The following CCN4 variants were observed in gnomAD, a reference collection of about 807,000 sequenced individuals.
CCN4 encodes the protein CCN family member 4.
CCN4 carries 30 observed loss-of-function variants against 36.7 expected under a neutral mutation model. The observed-to-expected ratio is 0.82, with a 90% CI of 0.61 to 1.11. The LOEUF (loss-of-function observed/expected upper bound fraction) is 1.11. Among genes scored for constraint, CCN4 ranks in the 50% least tolerant of loss-of-function variants. The pLI, the probability that CCN4 is intolerant of heterozygous loss-of-function variation, is 0.00. For synonymous variants in CCN4, 191 were observed against 195.4 expected, an observed-to-expected ratio of 0.98 and a Z score of 0.19; for missense variants, 505 against 504.9, an observed-to-expected ratio of 1.00 and a Z score of 0.00.
chr8:133,220,879 A>G, intron 3 of CCN4, 38 bp downstream of exon 3: 1 of 1,569,680 alleles, frequency 6.4e-7, no homozygotes, highest in Non-Finnish European at 8.7e-7. Flanking sequence ...GTGGGACCCT[A>G]CAAATGGGTT....
Position 133,225,489 on chromosome 8 carries a change from G to A in CCN4, c.710G>A (p.Arg237Gln), listed in dbSNP as rs762503159. Reference protein sequence around the residue: ...STSCGLGVSTRISNVNAQCWP... With the variant: ...STSCGLGVSTQISNVNAQCWP... Reference sequence around the variant, plus strand: ...AGCTGCGGCCTGGGGGTCTCCACTCGGATCTCCAATGTTAACGCCCAGTGC... The same window carrying A: ...AGCTGCGGCCTGGGGGTCTCCACTCAGATCTCCAATGTTAACGCCCAGTGC... The change falls in exon 4 of 5, where the codon CGG becomes CAG. Residue 237 changes from arginine (R) to glutamine (Q), a missense_variant. By Grantham distance (43) the Arg-to-Gln change is conservative. Transcript: ENST00000250160. 118 of 1,613,962 alleles carry A rather than the reference G, an allele frequency of 7.3e-5. No individual in the cohort carries two copies. The highest frequency in any genetic ancestry group is 3.3e-4 in the Admixed American group (20 of 60,002).
intron 1 of CCN4, among the ~76,000 whole-genome samples, chr8:133,201,798 A>G (rs112431978): frequency 0.022 from 3,293 of 152,174 alleles, 126 homozygotes; most frequent in African/African-American, 0.075. Context: ...AGCCGAGATC[A>G]CGCCACTGCA....
chr8:133,216,768 C>G (rs889206363), intron 2 of CCN4, among the ~76,000 whole-genome samples: 2 of 152,226 alleles, frequency 1.3e-5, no homozygotes, highest in African/African-American at 4.8e-5. Flanking sequence ...CACTTGCTAG[C>G]TACGTGACCA....
chr8:133,204,937 A>G (rs1473162463), intron 1 of CCN4, among the ~76,000 whole-genome samples: 1 of 152,250 alleles, frequency 6.6e-6, no homozygotes, highest in African/African-American at 2.4e-5. Context: ...AAAAATCCCA[A>G]TGCCCAGGCT....
chr8:133,227,508 G>A lies in CCN4; in HGVS notation c.902G>A (p.Cys301Tyr), dbSNP rs1854784839. ...ACACGCTCCTATCAACCCAAGTACT[G>A]TGGAGTTTGCATGGACAATAGGTGC... is the stretch of plus-strand genomic sequence containing the variant. ...ISTRSYQPKY[C>Y]GVCMDNRCCI... The change falls in exon 5 of 5, where the codon TGT (cysteine) becomes TAT (tyrosine). Residue 301 changes from cysteine (C) to tyrosine (Y), a missense_variant. Coordinates refer to ENST00000250160, the MANE Select transcript of CCN4 (RefSeq NM_003882.4). The A allele has an allele frequency of 6.2e-7, 1 of 1,614,196 alleles. No individual in the cohort carries two copies. Among genetic ancestry groups the A allele is most frequent in the African/African-American group, 1.3e-5 (1 of 75,056 alleles).
chr8:133,198,443 T>C (rs1387608670), intron 1 of CCN4, among the ~76,000 whole-genome samples: 1 of 152,176 alleles, frequency 6.6e-6, no homozygotes, highest in Non-Finnish European at 1.5e-5. Flanking sequence ...GGTTTCCCAA[T>C]TAGGCCCTCT....
intron 1 of CCN4, among the ~76,000 whole-genome samples, chr8:133,201,736 G>T (rs141652977): frequency 2.6e-5 from 4 of 152,042 alleles, no homozygotes; most frequent in Admixed American, 6.5e-5. Flanking sequence ...CCAGCTACTC[G>T]GGAGGCTGAG....
intron 2 of CCN4, 21 bp from the exon 3 acceptor site, chr8:133,220,560 A>C (rs1384597880): frequency 6.2e-7 from 1 of 1,604,382 alleles, no homozygotes; most frequent in East Asian, 2.2e-5. Context: ...ACTGGGCCTG[A>C]CCGGCCACCT....
In CCN4 at chr8:133,225,572, A is replaced by ACACT. The variant is rs1192655344; in HGVS notation, c.796_799dup (p.Ile267ThrfsTer3). 1 of 1,608,434 alleles carries ACACT rather than the reference A, an allele frequency of 6.2e-7. No individual in the cohort carries two copies. Among genetic ancestry groups the ACACT allele is most frequent in the African/African-American group, 1.3e-5 (1 of 74,822 alleles). ...GCGGCCATGCGATGTGGACATCCATACACTCATTAAGGTGGGTCCAGAGCA... is the reference window on the plus strand; with the variant it reads ...GCGGCCATGCGATGTGGACATCCATACACTCACTCATTAAGGTGGGTCCAGAGCA... On this transcript the variant is annotated frameshift_variant, in exon 4 of 5. Transcript: ENST00000250160. LOFTEE classifies it high-confidence loss of function.
intron 1 of CCN4, among the ~76,000 whole-genome samples, chr8:133,196,728 G>T (rs1853399899): frequency 6.6e-6 from 1 of 152,168 alleles, no homozygotes; most frequent in African/African-American, 2.4e-5. Context: ...GCTTGTTAAG[G>T]GTGTTGAATG....
At chr8:133,197,177 T>C (rs1476476682) in intron 1 of CCN4, among the ~76,000 whole-genome samples, 1 of 152,122 alleles carries the variant, frequency 6.6e-6, no homozygotes, top group Non-Finnish European at 1.5e-5. Context: ...ATGCCAACTG[T>C]GAGTTTCTGA....
chr8:133,225,197 G>T (rs571847207), intron 3 of CCN4, among the ~76,000 whole-genome samples, 193 bp from the exon 4 acceptor site: 1 of 152,288 alleles, frequency 6.6e-6, no homozygotes, highest in East Asian at 1.9e-4. Context: ...AAACATACAA[G>T]GAGCTGAGAA....
chr8:133,221,406 T>A (rs1392219510), intron 3 of CCN4, among the ~76,000 whole-genome samples: 1 of 152,172 alleles, frequency 6.6e-6, no homozygotes, highest in Non-Finnish European at 1.5e-5. Flanking sequence ...GTCATACTGA[T>A]GGGTGGGCAG....
At position 133,229,678 on chromosome 8, in the gene CCN4, A is replaced by G. The variant is rs999513636; in HGVS notation, c.*1968A>G. The G allele has an allele frequency of 6.6e-6, 1 of 152,226 alleles. No individual in the cohort carries two copies. The highest frequency in any genetic ancestry group is 2.1e-4 in the South Asian group (1 of 4,836). 9.4% of individuals were successfully genotyped at this position (152,226 alleles called of 1,614,324 possible). A position where few individuals can be genotyped will look rare whatever the true frequency, so the allele number is the denominator to read the frequency against. Reference sequence around the variant, plus strand: ...CAAGGTATACAGTGGTGCTCATTAAATACTTGATGAATACAGGAAGCTGTG... The same window carrying G: ...CAAGGTATACAGTGGTGCTCATTAAGTACTTGATGAATACAGGAAGCTGTG... On this transcript the variant is annotated 3_prime_UTR_variant, in exon 5 of 5. Coordinates refer to ENST00000250160, the MANE Select transcript of CCN4 (RefSeq NM_003882.4).
chr8:133,198,872 C>A (rs1853483669), intron 1 of CCN4, among the ~76,000 whole-genome samples: 1 of 152,260 alleles, frequency 6.6e-6, no homozygotes. Context: ...TTTGCACATG[C>A]TGTGCCCTCT....
intron 1 of CCN4, among the ~76,000 whole-genome samples, chr8:133,209,606 C>T (rs1430679103): frequency 1.3e-5 from 2 of 152,228 alleles, no homozygotes; most frequent in Non-Finnish European, 2.9e-5. Context: ...AGGAAGCTTC[C>T]TTCTGGGCAT....
intron 2 of CCN4, 105 bp from the exon 3 acceptor site, chr8:133,220,476 C>T (rs1388296932): frequency 1.0e-5 from 15 of 1,493,396 alleles, no homozygotes; most frequent in Non-Finnish European, 1.4e-5. Flanking sequence ...TGCTGGGAGC[C>T]ATCCCCGGGA....
intron 4 of CCN4, among the ~76,000 whole-genome samples, 175 bp downstream of exon 4, chr8:133,225,758 T>A (rs1221080373): frequency 2.0e-5 from 3 of 152,200 alleles, no homozygotes; most frequent in Non-Finnish European, 4.4e-5. Flanking sequence ...ATTGGTGCAT[T>A]GTGAATTTCA....
intron 1 of CCN4, among the ~76,000 whole-genome samples, chr8:133,206,941 T>C (rs984698675): frequency 6.6e-6 from 1 of 152,162 alleles, no homozygotes; most frequent in Non-Finnish European, 1.5e-5. Flanking sequence ...CATGGCACCA[T>C]GCACCTCCAG....
Sources: gnomAD v4.1 joint callset for allele counts (sites outside exome capture counted in the v4.1 genomes callset) on GRCh38, gnomAD v4.1.1 for gene constraint, MANE v1.5 for transcripts, NCBI Gene and HGNC (gene_info 2026-07-23, HGNC 2026-07-21) for gene names.